The following EEPD1 variants were observed in gnomAD, a reference collection of about 807,000 sequenced individuals.
The protein encoded by EEPD1 is endonuclease/exonuclease/phosphatase family domain-containing protein 1.
In EEPD1, 17 loss-of-function variants were observed where a neutral mutation model predicts 46.3. That is an observed-to-expected ratio of 0.37 (90% CI 0.25 to 0.55). EEPD1 has a LOEUF of 0.55. Among genes scored for constraint, EEPD1 ranks in the 20% least tolerant of loss-of-function variants. EEPD1 has a pLI of 0.83. For missense variants in EEPD1, 673 were observed against 745.6 expected, an observed-to-expected ratio of 0.90 and a Z score of 1.13; for synonymous variants, 313 against 315.6, an observed-to-expected ratio of 0.99 and a Z score of 0.09.
intron 2 of EEPD1, among the ~76,000 whole-genome samples, chr7:36,197,278 C>T (rs1349469822): frequency 3.0e-4 from 43 of 145,294 alleles, no homozygotes; most frequent in South Asian, 2.3e-3. Context: ...CCGCCCCGTC[C>T]GGGAGGGAGG....
chr7:36,267,481 C>A (rs1175624253), intron 3 of EEPD1, among the ~76,000 whole-genome samples: 4 of 152,044 alleles, frequency 2.6e-5, no homozygotes, highest in Admixed American at 2.6e-4. Context: ...CTAGCATGCT[C>A]TCCCCTCCTC....
chr7:36,262,543 T>C (rs948064986), intron 3 of EEPD1, among the ~76,000 whole-genome samples: 1 of 152,210 alleles, frequency 6.6e-6, no homozygotes, highest in Non-Finnish European at 1.5e-5. Flanking sequence ...ATTTCATATG[T>C]TGGCATGCAT....
rs565746711 is a variant in EEPD1 at position 36,295,701 on chromosome 7, G to A, written c.1316-1292G>A. 5.3e-5 allele frequency among the ~76,000 whole-genome samples: 8 copies of A among 152,250 alleles called. No homozygotes were observed. The South Asian group carries it at 1.7e-3, about 32-fold the overall frequency. ...AGTATTTATCCAGAGCCTTAACAAT[G>A]GCCATAGTTTTTCATGAGGACTCTC... On this transcript the variant is annotated intron_variant, in intron 6 of 7. Coordinates refer to ENST00000242108, the MANE Select transcript of EEPD1 (RefSeq NM_030636.3).
At chr7:36,167,017 A>G (rs776796227) in intron 2 of EEPD1, among the ~76,000 whole-genome samples, 12 of 152,098 alleles carry the variant, frequency 7.9e-5, no homozygotes, top group Non-Finnish European at 1.5e-4. Context: ...GTTTTTTCTC[A>G]GTCCCCTTTC....
intron 2 of EEPD1, among the ~76,000 whole-genome samples, chr7:36,203,887 A>G (rs1194587304): frequency 6.6e-6 from 1 of 152,130 alleles, no homozygotes; most frequent in Non-Finnish European, 1.5e-5. Flanking sequence ...TCCAGTCTCT[A>G]GCTCCGGTGC....
chr7:36,154,943 A>G lies in EEPD1; in HGVS notation c.619A>G (p.Thr207Ala). The G allele has an allele frequency of 6.2e-7, 1 of 1,613,996 alleles. No homozygotes were observed. Among genetic ancestry groups the G allele is most frequent in the Non-Finnish European group, 8.5e-7 (1 of 1,179,988 alleles). ...AERSRPPSTH[T>A]NGGLTFTAKP... ...GAGGTCCAGGCCCCCATCCACCCAC[A>G]CGAACGGGGGACTGACCTTCACCGC... Residue 207 changes from threonine to alanine, a missense_variant, in exon 2 of 8, where the codon ACG (threonine) becomes GCG (alanine). Thr to Ala is a moderately conservative substitution (Grantham distance 58). Transcript: ENST00000242108. This position sits in a 1 kb window ranked among gnomAD's most constrained non-coding sequence, Gnocchi z 4.2.
At chr7:36,293,963 CA>C (rs897525569) in intron 6 of EEPD1, among the ~76,000 whole-genome samples, 145 of 131,136 alleles carry the variant, frequency 1.1e-3, no homozygotes, top group African/African-American at 2.3e-3. Flanking sequence ...GACTCCATCT[CA>C]AAAAAAAAAA....
At chr7:36,176,428 T>C (rs1048516543) in intron 2 of EEPD1, among the ~76,000 whole-genome samples, 1 of 152,202 alleles carries the variant, frequency 6.6e-6, no homozygotes, top group Non-Finnish European at 1.5e-5. Context: ...TCAGGTCTCA[T>C]GGGAGCCTCG....
At chr7:36,163,180 A>G (rs1784928178) in intron 2 of EEPD1, among the ~76,000 whole-genome samples, 1 of 148,426 alleles carries the variant, frequency 6.7e-6, no homozygotes, top group Admixed American at 6.8e-5. Context: ...CTTAACTGCC[A>G]GTGGTCTCAG....
intron 2 of EEPD1, among the ~76,000 whole-genome samples, chr7:36,200,216 G>A (rs1785691086): frequency 6.6e-6 from 1 of 151,960 alleles, no homozygotes; most frequent in Non-Finnish European, 1.5e-5. Flanking sequence ...CCACTTATAA[G>A]TGAGAACATG....
chr7:36,239,007 G>A lies in EEPD1; in HGVS notation c.901G>A (p.Glu301Lys). ...ENSIKLLAVQ[E>K]LLDREALEKF... The stretch of plus-strand genomic sequence containing the variant: ...CAGCATCAAGCTTCTAGCTGTGCAA[G>A]AACTGCTTGACAGAGAGGCCTTGGA... The change falls in exon 3 of 8, where the codon GAA (glutamate) becomes AAA (lysine). Residue 301 changes from glutamate (E) to lysine (K), a missense_variant. Transcript: ENST00000242108. 6.2e-7 allele frequency: 1 copy of A among 1,610,720 alleles called. No individual in the cohort carries two copies. Among genetic ancestry groups the A allele is most frequent in the Non-Finnish European group, 8.5e-7 (1 of 1,179,282 alleles).
intron 2 of EEPD1, among the ~76,000 whole-genome samples, chr7:36,196,207 A>C (rs1785579869): frequency 6.6e-6 from 1 of 152,206 alleles, no homozygotes; most frequent in Non-Finnish European, 1.5e-5. Context: ...TGGGTGAGTC[A>C]GTGAGTGAGT....
intron 3 of EEPD1, among the ~76,000 whole-genome samples, chr7:36,274,151 C>G (rs1787152058): frequency 6.6e-6 from 1 of 152,232 alleles, no homozygotes; most frequent in South Asian, 2.1e-4. Context: ...CTGCAGGAAC[C>G]CACCTCCTCT....
At chr7:36,250,817 T>C (rs1786727068) in intron 3 of EEPD1, among the ~76,000 whole-genome samples, 1 of 152,196 alleles carries the variant, frequency 6.6e-6, no homozygotes, top group South Asian at 2.1e-4. Flanking sequence ...GTCCCAGCAC[T>C]GTTGAAGCTT....
At chr7:36,217,605 C>G (rs1786052402) in intron 2 of EEPD1, among the ~76,000 whole-genome samples, 1 of 152,192 alleles carries the variant, frequency 6.6e-6, no homozygotes, top group Non-Finnish European at 1.5e-5. Flanking sequence ...AGCCCCTATT[C>G]AAGATGGAGT....
chr7:36,291,890 T>TG (rs1787447000), intron 6 of EEPD1, among the ~76,000 whole-genome samples: 1 of 152,188 alleles, frequency 6.6e-6, no homozygotes. Flanking sequence ...AGAGCCCAGC[T>TG]GGGGGGCGAG....
chr7:36,218,166 C>G (rs1786065014), intron 2 of EEPD1, among the ~76,000 whole-genome samples: 1 of 152,126 alleles, frequency 6.6e-6, no homozygotes, highest in Non-Finnish European at 1.5e-5. Flanking sequence ...CAGTATCATT[C>G]TATTTTCAAG....
intron 3 of EEPD1, among the ~76,000 whole-genome samples, chr7:36,256,271 G>A (rs917177803): frequency 6.6e-6 from 1 of 152,206 alleles, no homozygotes; most frequent in African/African-American, 2.4e-5. Flanking sequence ...TAAGTGCAAT[G>A]TGGTGCTAAG....
chr7:36,201,508 G>A (rs925266319), intron 2 of EEPD1, among the ~76,000 whole-genome samples: 4 of 152,092 alleles, frequency 2.6e-5, no homozygotes, highest in Non-Finnish European at 5.9e-5. Flanking sequence ...TGAGTGACTC[G>A]GGGCAGGTCC....
Sources: allele counts gnomAD v4.1 joint callset (sites outside exome capture counted in the v4.1 genomes callset), GRCh38; gene constraint gnomAD v4.1.1; non-coding constraint Gnocchi (gnomAD v3.1); transcripts MANE v1.5; gene names NCBI Gene and HGNC (gene_info 2026-07-23, HGNC 2026-07-21).